The following ZNF727 variants were observed in gnomAD, a reference collection of about 807,000 sequenced individuals.
ZNF727 encodes putative zinc finger protein 727.
Under a neutral mutation model 11.5 loss-of-function variants are expected in ZNF727, and 11 were observed. That is an observed-to-expected ratio of 0.95 (90% CI 0.60 to 1.58). ZNF727 has a LOEUF of 1.58. ZNF727 is among the 40% of genes most tolerant of loss of function. ZNF727 has a pLI of 0.00. For missense variants in ZNF727, 533 were observed against 581.7 expected, an observed-to-expected ratio of 0.92 and a Z score of 0.86; for synonymous variants, 171 against 196.1, an observed-to-expected ratio of 0.87 and a Z score of 1.07.
At position 64,045,599 on chromosome 7, in the gene ZNF727, GC is replaced by G; in HGVS notation, c.-22del. The G allele has an allele frequency of 6.4e-7, 1 of 1,555,576 alleles. No individual in the cohort carries two copies. The highest frequency in any genetic ancestry group is 1.2e-5 in the South Asian group (1 of 84,328). The stretch of plus-strand genomic sequence containing the variant: ...TACTGGGAGATCCATAGGGAAGAAG[GC>G]GGAACATCCGGAGGCTGGGAAATGG... On this transcript the variant is annotated 5_prime_UTR_variant, in exon 1 of 4. Coordinates refer to ENST00000456806, the MANE Select transcript of ZNF727 (RefSeq NM_001159522.3).
rs1300399392 is a variant in ZNF727 at position 64,083,848 on chromosome 7, G to T, written c.*5299G>T. ...CCAATGCAAGTACCTGGATGTTTCA[G>T]TTGAAGGTGCTGTATCTATGCACAC... On this transcript the variant is annotated 3_prime_UTR_variant, in exon 4 of 4. Coordinates refer to ENST00000456806, the MANE Select transcript of ZNF727 (RefSeq NM_001159522.3). Among the ~76,000 whole-genome samples, 2 of 152,138 alleles carry T rather than the reference G, an allele frequency of 1.3e-5. No homozygotes were observed. The highest frequency in any genetic ancestry group is 2.1e-4 in the South Asian group (1 of 4,818).
intron 1 of ZNF727, among the ~76,000 whole-genome samples, 183 bp from the exon 2 acceptor site, chr7:64,068,708 C>G (rs1789909481): frequency 6.6e-6 from 1 of 152,046 alleles, no homozygotes; most frequent in Non-Finnish European, 1.5e-5. Flanking sequence ...GTTTCGTGAT[C>G]TTATGCCATT....
chr7:64,046,355 A>G (rs537858272), intron 1 of ZNF727, among the ~76,000 whole-genome samples: 1 of 152,244 alleles, frequency 6.6e-6, no homozygotes, highest in Non-Finnish European at 1.5e-5. Flanking sequence ...TTTAGGATAT[A>G]GTTTCGAAGT....
Position 64,067,554 on chromosome 7 carries a change from G to T in ZNF727, c.4-1337G>T, listed in dbSNP as rs558380212. Among the ~76,000 whole-genome samples, 22 of 152,272 alleles carry T rather than the reference G, an allele frequency of 1.4e-4. 1 individual carries two copies. In the South Asian group the frequency reaches 4.4e-3, roughly 30 times the overall value. On this transcript the variant is annotated intron_variant, in intron 1 of 3. Coordinates refer to ENST00000456806, the MANE Select transcript of ZNF727 (RefSeq NM_001159522.3). The stretch of plus-strand genomic sequence containing the variant: ...CATAAACACCATGGAATACTATGCA[G>T]CCATAAAAAAGAATGAGTTCATGTT...
rs909979126 is a variant in ZNF727, at chr7:64,079,933, G to C, written c.*1384G>C. ...CTTCTGAAGCTTACTTTGGCCGGAT[G>C]TGAACTTCTGGATTAGAATTCTTTT... On this transcript the variant is annotated 3_prime_UTR_variant, in exon 4 of 4. Transcript: ENST00000456806. Among the ~76,000 whole-genome samples the C allele has an allele frequency of 6.6e-6, 1 of 152,210 alleles. No individual in the cohort carries two copies. Among genetic ancestry groups the C allele is most frequent in the South Asian group, 2.1e-4 (1 of 4,828 alleles).
chr7:64,057,858 A>T (rs1789710429), intron 1 of ZNF727, among the ~76,000 whole-genome samples: 1 of 152,140 alleles, frequency 6.6e-6, no homozygotes, highest in African/African-American at 2.4e-5. Flanking sequence ...TTTATTACTT[A>T]ATAAAGTATA....
At chr7:64,073,261 A>G (rs1191251353) in intron 3 of ZNF727, among the ~76,000 whole-genome samples, 1 of 150,006 alleles carries the variant, frequency 6.7e-6, no homozygotes, top group Non-Finnish European at 1.5e-5. Flanking sequence ...CCTTAATGGT[A>G]TCTAATAAGT....
In ZNF727 at chr7:64,084,345, ATTTAT is replaced by A. The variant is rs1785840413; in HGVS notation, c.*5801_*5805del. Among the ~76,000 whole-genome samples the A allele has an allele frequency of 6.6e-6, 1 of 152,208 alleles. No homozygotes were observed. Among genetic ancestry groups the A allele is most frequent in the African/African-American group, 2.4e-5 (1 of 41,460 alleles). ...TTTTTAATGACAATGTATGAACTTA[ATTTAT>A]TTTAATAAACCAAAATTATTGTTAT... is the stretch of plus-strand genomic sequence containing the variant. On this transcript the variant is annotated 3_prime_UTR_variant, in exon 4 of 4. Transcript: ENST00000456806.
chr7:64,056,916 T>G (rs1789694084), intron 1 of ZNF727, among the ~76,000 whole-genome samples: 1 of 152,170 alleles, frequency 6.6e-6, no homozygotes, highest in African/African-American at 2.4e-5. Flanking sequence ...GCTCTGCTTT[T>G]CTGTTGTATG....
chr7:64,083,196 C>T lies in ZNF727; in HGVS notation c.*4647C>T, dbSNP rs1003800997. 3.9e-5 allele frequency among the ~76,000 whole-genome samples: 6 copies of T among 152,156 alleles called. No individual in the cohort carries two copies. Among genetic ancestry groups the T allele is most frequent in the African/African-American group, 7.2e-5 (3 of 41,448 alleles). ...ACAGTCTGGCCATGTCTTTTTAGAG[C>T]GCCTGTACTGTGCTAGGAGATCCTT... On this transcript the variant is annotated 3_prime_UTR_variant, in exon 4 of 4. Transcript: ENST00000456806.
At chr7:64,074,831 A>T (rs1010025103) in intron 3 of ZNF727, among the ~76,000 whole-genome samples, 13 of 152,140 alleles carry the variant, frequency 8.5e-5, no homozygotes, top group Non-Finnish European at 1.3e-4. Context: ...AAACACTAAT[A>T]CCATAGGACA....
intron 1 of ZNF727, among the ~76,000 whole-genome samples, chr7:64,056,961 C>T (rs1789695034): frequency 6.6e-6 from 1 of 151,994 alleles, no homozygotes; most frequent in Non-Finnish European, 1.5e-5. Flanking sequence ...TGTGTAAATT[C>T]TAACCAATTA....
Position 64,081,639 on chromosome 7 carries a change from G to C in ZNF727, c.*3090G>C, listed in dbSNP as rs1480133570. Among the ~76,000 whole-genome samples the C allele has an allele frequency of 6.6e-6, 1 of 152,142 alleles. No homozygotes were observed. The highest frequency in any genetic ancestry group is 1.5e-5 in the Non-Finnish European group (1 of 68,026). The stretch of plus-strand genomic sequence containing the variant: ...TGGTATGGGCTCCTAGGGTACCTGA[G>C]ACTGCCCTGTAAGCAGTTGTGGCCA... On this transcript the variant is annotated 3_prime_UTR_variant, in exon 4 of 4. Transcript: ENST00000456806.
At position 64,077,865 on chromosome 7, in the gene ZNF727, T is replaced by C; in HGVS notation, c.816T>C (p.Thr272=). 6.4e-7 allele frequency: 1 copy of C among 1,571,606 alleles called. No individual in the cohort carries two copies. The highest frequency in any genetic ancestry group is 1.2e-5 in the South Asian group (1 of 86,176). The change falls in exon 4 of 4, where the codon ACT becomes ACC. Residue 272 remains threonine, a synonymous_variant. Transcript: ENST00000456806. ...HKAFRCCSDL[T]KHKRIHTGEK... ...CCTTTAGGTGTTGCTCAGACCTTAC[T>C]AAACATAAGAGAATTCATACTGGAG...
chr7:64,057,356 C>T (rs1789700465), intron 1 of ZNF727, among the ~76,000 whole-genome samples: 1 of 152,144 alleles, frequency 6.6e-6, no homozygotes, highest in Admixed American at 6.6e-5. Flanking sequence ...TACATATGTA[C>T]CATGGAATAC....
chr7:64,059,406 T>G (rs1216708798), intron 1 of ZNF727, among the ~76,000 whole-genome samples: 1 of 152,220 alleles, frequency 6.6e-6, no homozygotes, highest in Non-Finnish European at 1.5e-5. Flanking sequence ...CTTCTTAAAT[T>G]TCTTTGTTTT....
At chr7:64,067,473 G>A (rs5005469) in intron 1 of ZNF727, among the ~76,000 whole-genome samples, 94,563 of 151,986 alleles carry the variant, frequency 0.62, 30,093 homozygotes, top group Non-Finnish European at 0.68. Context: ...AATAGCAAAG[G>A]CATGGAACCA....
At chr7:64,054,328 C>T (rs1691022026) in intron 1 of ZNF727, among the ~76,000 whole-genome samples, 1 of 152,142 alleles carries the variant, frequency 6.6e-6, no homozygotes, top group Non-Finnish European at 1.5e-5. Flanking sequence ...GGGGTAGAGA[C>T]CAATATATGT....
chr7:64,061,016 A>G (rs1473107070), intron 1 of ZNF727, among the ~76,000 whole-genome samples: 1 of 151,998 alleles, frequency 6.6e-6, no homozygotes, highest in Non-Finnish European at 1.5e-5. Context: ...GTTTTATTCT[A>G]TTATCGTCAG....
Sources: allele counts gnomAD v4.1 joint callset (sites outside exome capture counted in the v4.1 genomes callset), GRCh38; gene constraint gnomAD v4.1.1; transcripts MANE v1.5; gene names NCBI Gene and HGNC (gene_info 2026-07-23, HGNC 2026-07-21).